PRKAR1B: variants seen among roughly 807,000 people sequenced by gnomAD.
The protein encoded by PRKAR1B is cAMP-dependent protein kinase type I-beta regulatory subunit.
In PRKAR1B, 22 loss-of-function variants were observed where a neutral mutation model predicts 46.5. The ratio of observed to expected loss-of-function variants is 0.47; its 90% CI spans 0.34 to 0.68. The LOEUF is 0.68. Ranked by LOEUF, PRKAR1B falls within the 30% of genes least tolerant of loss-of-function variation. The pLI is 0.01. For synonymous variants in PRKAR1B, 259 were observed against 217.7 expected (o/e 1.19, Z -1.67); for missense variants, 445 against 535.6 (o/e 0.83, Z 1.67).
At chr7:554,540 C>T (rs779969621) in intron 9 of PRKAR1B, among the ~76,000 whole-genome samples, 9 of 152,198 alleles carry the variant, frequency 5.9e-5, no homozygotes, top group South Asian at 2.1e-4. Flanking sequence ...AGCAGAAAAC[C>T]CAAATTGAGG....
intron 2 of PRKAR1B, among the ~76,000 whole-genome samples, chr7:703,574 C>T (rs773859485): frequency 4.6e-5 from 7 of 150,802 alleles, no homozygotes; most frequent in Non-Finnish European, 8.8e-5. Flanking sequence ...GAGAATGGCA[C>T]GAACCCGGGA....
intron 4 of PRKAR1B, among the ~76,000 whole-genome samples, chr7:635,249 G>C (rs561557485): frequency 6.6e-6 from 1 of 152,234 alleles, no homozygotes; most frequent in Non-Finnish European, 1.5e-5. Context: ...GCTGAGCAGG[G>C]GTCCCTGTGG....
At position 667,105 on chromosome 7, in the gene PRKAR1B, C is replaced by T. The variant is rs112294001; in HGVS notation, c.440+10124G>A. On this transcript the variant is annotated intron_variant, in intron 4 of 10. Coordinates refer to ENST00000537384, the MANE Select transcript of PRKAR1B (RefSeq NM_001164760.2). This position sits in a 1 kb window ranked among gnomAD's most constrained non-coding sequence, Gnocchi z 4.3. ...ATGGTGATGATGATGGTGGTGATAACGATGATGATGGCAATGGTGGTGATG... is the reference window on the plus strand; with the variant it reads ...ATGGTGATGATGATGGTGGTGATAATGATGATGATGGCAATGGTGGTGATG... 0.017 allele frequency among the ~76,000 whole-genome samples: 1,947 copies of T among 114,648 alleles called. 40 individuals carry two copies. The highest frequency in any genetic ancestry group is 0.088 in the African/African-American group (1,829 of 20,692). The allele number at this position is 114,648 out of a possible 152,430, so 75.2% of individuals were successfully genotyped here.
At chr7:640,090 G>A (rs1784309518) in intron 4 of PRKAR1B, among the ~76,000 whole-genome samples, 1 of 150,804 alleles carries the variant, frequency 6.6e-6, no homozygotes, top group African/African-American at 2.4e-5. Context: ...TTAAACCCGG[G>A]AGGCGCAGGT....
rs1562537246 is a variant in PRKAR1B at position 583,471 on chromosome 7, TCACACCCA to T, written c.769+1029_769+1036del. Among the ~76,000 whole-genome samples the T allele has an allele frequency of 1.6e-5, 2 of 121,642 alleles. 1 individual carries two copies. Among genetic ancestry groups the T allele is most frequent in the East Asian group, 4.9e-4 (2 of 4,074 alleles). The allele number at this position is 121,642 out of a possible 152,430, so 79.8% of individuals were successfully genotyped here. Reference sequence around the variant, plus strand: ...CTCACACCCACTCACACACGTGCACTCACACCCACGCACACACGTGTGTGCACACCCAT... The same window carrying T: ...CTCACACCCACTCACACACGTGCACTCGCACACACGTGTGTGCACACCCAT... On this transcript the variant is annotated intron_variant, in intron 8 of 10. Transcript: ENST00000537384.
intron 4 of PRKAR1B, among the ~76,000 whole-genome samples, chr7:624,341 G>A (rs978417773): frequency 1.3e-5 from 2 of 152,142 alleles, no homozygotes. Context: ...ACTGAGGCAG[G>A]AGAATCGCTT....
At chr7:607,577 T>A in intron 4 of PRKAR1B, 125 bp from the exon 5 acceptor site, 3 of 861,952 alleles carry the variant, frequency 3.5e-6, no homozygotes, top group Non-Finnish European at 5.6e-6. Context: ...AGAAAATCCA[T>A]GAGAGTTCAA....
At chr7:632,855 A>T (rs1186466923) in intron 4 of PRKAR1B, among the ~76,000 whole-genome samples, 1 of 151,774 alleles carries the variant, frequency 6.6e-6, no homozygotes, top group East Asian at 1.9e-4. Context: ...GCCCAGCCAC[A>T]GCCTCAAGGA....
At chr7:653,254 T>C (rs1036599796) in intron 4 of PRKAR1B, among the ~76,000 whole-genome samples, 2 of 152,122 alleles carry the variant, frequency 1.3e-5, no homozygotes, top group Non-Finnish European at 2.9e-5. Flanking sequence ...AAGTACACCA[T>C]AGGGAACCTT....
At chr7:633,100 G>C (rs190325829) in intron 4 of PRKAR1B, among the ~76,000 whole-genome samples, 115 of 152,336 alleles carry the variant, frequency 7.5e-4, no homozygotes, top group African/African-American at 2.6e-3. Flanking sequence ...TCCGACTCTG[G>C]AATACGCTCA....
At chr7:706,624 A>T (rs1295119798) in intron 2 of PRKAR1B, among the ~76,000 whole-genome samples, 1 of 129,248 alleles carries the variant, frequency 7.7e-6, no homozygotes, top group East Asian at 2.3e-4. Context: ...ACAGGGTTTC[A>T]CTGTGTTAGC....
chr7:674,348 A>AT (rs1786461527), intron 4 of PRKAR1B, among the ~76,000 whole-genome samples: 1 of 152,034 alleles, frequency 6.6e-6, no homozygotes, highest in Non-Finnish European at 1.5e-5. Flanking sequence ...ATGCCCAGCT[A>AT]TTCCAGCCAC....
intron 4 of PRKAR1B, among the ~76,000 whole-genome samples, chr7:612,477 T>C (rs2128469050): frequency 7.1e-6 from 1 of 140,544 alleles, no homozygotes; most frequent in African/African-American, 2.8e-5. Flanking sequence ...GATGGATGGA[T>C]GTAAGGATGG....
chr7:595,122 C>T (rs1273367269), intron 7 of PRKAR1B, among the ~76,000 whole-genome samples: 2 of 152,340 alleles, frequency 1.3e-5, no homozygotes, highest in East Asian at 1.9e-4. Context: ...GAGCCCTCCC[C>T]GCCCTCTCTG....
intron 9 of PRKAR1B, among the ~76,000 whole-genome samples, chr7:573,112 G>A (rs977806312): frequency 1.3e-4 from 20 of 152,192 alleles, no homozygotes; most frequent in African/African-American, 2.2e-4. Flanking sequence ...GCTGCGAAGC[G>A]CGTCGGTTCC....
chr7:597,287 G>A (rs1781319743), intron 6 of PRKAR1B, among the ~76,000 whole-genome samples: 1 of 152,234 alleles, frequency 6.6e-6, no homozygotes, highest in African/African-American at 2.4e-5. Context: ...GAGGCACAGA[G>A]TCTTCTATCT....
At chr7:691,487 A>C (rs1272511540) in intron 2 of PRKAR1B, 3 of 1,304,070 alleles carry the variant, frequency 2.3e-6, no homozygotes, top group Non-Finnish European at 3.0e-6. Context: ...AGGGCCCCCC[A>C]GCGCACCACA....
chr7:606,115 G>A (rs146835466), intron 6 of PRKAR1B, 78 bp downstream of exon 6: 65 of 1,440,760 alleles, frequency 4.5e-5, no homozygotes, highest in Non-Finnish European at 5.9e-5. Flanking sequence ...TGGGGGCCTG[G>A]TGCTGCCTGG....
chr7:672,644 G>A (rs1280317924), intron 4 of PRKAR1B, among the ~76,000 whole-genome samples: 2 of 151,722 alleles, frequency 1.3e-5, no homozygotes, highest in Non-Finnish European at 2.9e-5. Context: ...GAGGCAGGAG[G>A]ATCACTTGAG....
Sources: gnomAD v4.1 joint callset for allele counts (sites outside exome capture counted in the v4.1 genomes callset) on GRCh38, gnomAD v4.1.1 for gene constraint, Gnocchi (gnomAD v3.1) non-coding constraint, MANE v1.5 for transcripts, NCBI Gene and HGNC (gene_info 2026-07-23, HGNC 2026-07-21) for gene names.